The following SOCS7 variants were observed in gnomAD, a reference collection of about 807,000 sequenced individuals.
The protein encoded by SOCS7 is suppressor of cytokine signaling 7.
A neutral mutation model predicts 58.9 loss-of-function variants in SOCS7; 18 were observed. The observed-to-expected ratio is 0.31, with a 90% CI of 0.21 to 0.45. SOCS7 has a LOEUF of 0.45. SOCS7 is among the 20% of genes least tolerant of loss of function. The pLI is 1.00. For synonymous variants in SOCS7, 388 were observed against 364.3 expected, an observed-to-expected ratio of 1.06 and a Z score of -0.74; for missense variants, 667 against 837.3, an observed-to-expected ratio of 0.80 and a Z score of 2.51.
chr17:38,359,494 G>A lies in SOCS7; in HGVS notation c.981-2217G>A, dbSNP rs587692815. Among the ~76,000 whole-genome samples the A allele has an allele frequency of 3.9e-5, 6 of 152,266 alleles. No homozygotes were observed. The East Asian group carries it at 9.6e-4, about 24-fold the overall frequency. On this transcript the variant is annotated intron_variant, in intron 1 of 9. Coordinates refer to ENST00000612932, the MANE Select transcript of SOCS7 (RefSeq NM_014598.4). ...TTTTGTTTGAGGTGAATTCTGAGAA[G>A]CTCAGACATCAGTGTTAAAACATAA...
rs749383408 is a variant in SOCS7 at position 38,353,040 on chromosome 17, C to G, written c.980+8C>G. The G allele has an allele frequency of 1.9e-6, 3 of 1,560,102 alleles. No individual in the cohort carries two copies. The highest frequency in any genetic ancestry group is 1.4e-5 in the African/African-American group (1 of 73,372). ...GGAGCTGGACGCGGGGAGGTGAGACCGGCCGGGGGCTGGCCGACAAACTTC... is the reference window on the plus strand; with the variant it reads ...GGAGCTGGACGCGGGGAGGTGAGACGGGCCGGGGGCTGGCCGACAAACTTC... On this transcript the variant is annotated splice_region_variant and intron_variant, in intron 1 of 9. Transcript: ENST00000612932.
At chr17:38,374,135 G>A (rs2037902266) in intron 6 of SOCS7, among the ~76,000 whole-genome samples, 1 of 152,196 alleles carries the variant, frequency 6.6e-6, no homozygotes, top group African/African-American at 2.4e-5. Context: ...GAGGAGAATC[G>A]CTCCAACTTG....
intron 2 of SOCS7, among the ~76,000 whole-genome samples, chr17:38,363,416 G>A (rs1453110709): frequency 6.6e-6 from 1 of 152,172 alleles, no homozygotes; most frequent in East Asian, 1.9e-4. Flanking sequence ...GCTTACTGCA[G>A]CCTCGACCTC....
chr17:38,379,031 G>A (rs957407125), intron 7 of SOCS7, among the ~76,000 whole-genome samples: 7 of 151,774 alleles, frequency 4.6e-5, no homozygotes, highest in African/African-American at 7.3e-5. Flanking sequence ...GATGCCAGGC[G>A]TCTGTAGTCC....
intron 9 of SOCS7, among the ~76,000 whole-genome samples, 183 bp downstream of exon 9, chr17:38,396,181 A>G (rs947974755): frequency 6.6e-6 from 1 of 152,246 alleles, no homozygotes; most frequent in Admixed American, 6.5e-5. Context: ...TTTGGGAGAA[A>G]AGCAGACAGA....
In SOCS7 at chr17:38,403,071, T is replaced by C. The variant is rs2038343282; in HGVS notation, c.*3589T>C. 6.6e-6 allele frequency: 1 copy of C among 152,182 alleles called. No homozygotes were observed. Among genetic ancestry groups the C allele is most frequent in the Non-Finnish European group, 1.5e-5 (1 of 68,042 alleles). The allele number at this position is 152,182 out of a possible 1,614,324, so 9.4% of individuals were successfully genotyped here. A position where few individuals can be genotyped will look rare whatever the true frequency, so the allele number is the denominator to read the frequency against. ...GGGACCATTGGTGCTGACCTTTGCC[T>C]GGTCACCTGCCTGTGCCTAGGCCAA... On this transcript the variant is annotated 3_prime_UTR_variant, in exon 10 of 10. Transcript: ENST00000612932.
At chr17:38,362,287 CTAATT>C in intron 2 of SOCS7, among the ~76,000 whole-genome samples, 1 of 152,298 alleles carries the variant, frequency 6.6e-6, no homozygotes, top group East Asian at 1.9e-4. Flanking sequence ...TTTATTGTAT[CTAATT>C]TAAGTCTGCC....
At chr17:38,385,230 A>G (rs2038053736) in intron 7 of SOCS7, among the ~76,000 whole-genome samples, 1 of 151,234 alleles carries the variant, frequency 6.6e-6, no homozygotes, top group Non-Finnish European at 1.5e-5. Context: ...TTCTTCCTCC[A>G]TTTCTTTTTC....
intron 7 of SOCS7, among the ~76,000 whole-genome samples, chr17:38,384,272 T>G (rs754007499): frequency 6.6e-6 from 1 of 152,186 alleles, no homozygotes; most frequent in Non-Finnish European, 1.5e-5. Context: ...CTTCATTGCA[T>G]ATTAGTGTTT....
chr17:38,359,799 G>A (rs1161406708), intron 1 of SOCS7, among the ~76,000 whole-genome samples: 6 of 148,294 alleles, frequency 4.0e-5, no homozygotes, highest in Non-Finnish European at 9.0e-5. Flanking sequence ...ATTTTTTTTT[G>A]AGACAAGGTC....
intron 7 of SOCS7, 47 bp downstream of exon 7, chr17:38,377,889 C>A (rs1567744714): frequency 6.3e-7 from 1 of 1,582,040 alleles, no homozygotes; most frequent in Non-Finnish European, 8.6e-7. Flanking sequence ...TGGGTATGAT[C>A]CAGTTTAGTG....
chr17:38,364,922 T>C, intron 3 of SOCS7, 66 bp downstream of exon 3: 1 of 1,259,676 alleles, frequency 7.9e-7, no homozygotes, highest in Non-Finnish European at 1.1e-6. Flanking sequence ...ACTTGTTCTT[T>C]GCTGGGGGCC....
At chr17:38,397,662 T>C (rs1261225508) in intron 9 of SOCS7, among the ~76,000 whole-genome samples, 1 of 152,258 alleles carries the variant, frequency 6.6e-6, no homozygotes, top group African/African-American at 2.4e-5. Context: ...GATAGCTGTA[T>C]ATTTGTGTTT....
intron 5 of SOCS7, among the ~76,000 whole-genome samples, chr17:38,367,547 T>A (rs587751263): frequency 2.2e-4 from 34 of 151,944 alleles, no homozygotes; most frequent in Middle Eastern, 3.4e-3. Context: ...CTAATTTTTG[T>A]ATTTTTAGTA....
intron 3 of SOCS7, 74 bp from the exon 4 acceptor site, chr17:38,365,234 C>G (rs995286582): frequency 1.8e-6 from 2 of 1,138,496 alleles, no homozygotes; most frequent in Admixed American, 2.1e-5. Flanking sequence ...TAGTCCTTCT[C>G]CCTCTCCTCT....
chr17:38,382,265 A>C (rs1436071155), intron 7 of SOCS7, among the ~76,000 whole-genome samples: 4 of 151,684 alleles, frequency 2.6e-5, no homozygotes, highest in African/African-American at 9.7e-5. Flanking sequence ...TCATCTCTAC[A>C]AAAACAAAAC....
intron 1 of SOCS7, among the ~76,000 whole-genome samples, chr17:38,361,343 A>G (rs957796925): frequency 1.3e-5 from 2 of 152,250 alleles, no homozygotes; most frequent in Non-Finnish European, 2.9e-5. Flanking sequence ...GTGCCTGTCC[A>G]GGTTAAGAGC....
At chr17:38,392,429 A>G (rs1268907479) in intron 7 of SOCS7, among the ~76,000 whole-genome samples, 2 of 152,218 alleles carry the variant, frequency 1.3e-5, no homozygotes, top group Non-Finnish European at 2.9e-5. Flanking sequence ...GTTTACCAGT[A>G]TTACAGCCAA....
In SOCS7 at chr17:38,389,868, C is replaced by CATATATATATATATATGTACAT. The variant is rs1463868655; in HGVS notation, c.1682-5427_1682-5426insATGTACATATATATATATATAT. On this transcript the variant is annotated intron_variant, in intron 7 of 9. Transcript: ENST00000612932. ...TTTTTGTTTGGTGTGTATGTGTGTA[C>CATATATATATATATATGTACAT]ATATATATATATATGTACATATATA... Among the ~76,000 whole-genome samples the CATATATATATATATATGTACAT allele has an allele frequency of 8.1e-4, 15 of 18,630 alleles. 1 individual carries two copies. Among genetic ancestry groups the CATATATATATATATATGTACAT allele is most frequent in the South Asian group, 8.3e-3 (2 of 242 alleles). The allele number at this position is 18,630 out of a possible 152,430, so 12.2% of individuals were successfully genotyped here. A position where few individuals can be genotyped will look rare whatever the true frequency, so the allele number is the denominator to read the frequency against.
Sources: gnomAD v4.1 joint callset for allele counts (sites outside exome capture counted in the v4.1 genomes callset) on GRCh38, gnomAD v4.1.1 for gene constraint, MANE v1.5 for transcripts, NCBI Gene and HGNC (gene_info 2026-07-23, HGNC 2026-07-21) for gene names.